The following WNT10A variants were observed in gnomAD, a reference collection of about 807,000 sequenced individuals.
WNT10A encodes the protein protein Wnt-10a.
In WNT10A, 37 loss-of-function variants were observed where a neutral mutation model predicts 36.1. The observed-to-expected ratio is 1.02, with a 90% CI of 0.79 to 1.35. WNT10A has a LOEUF of 1.35. Among genes scored for constraint, WNT10A ranks in the 40% most tolerant of loss-of-function variants. The pLI, the probability that WNT10A is intolerant of heterozygous loss-of-function variation, is 0.00. For missense variants in WNT10A, 613 were observed against 601.4 expected (o/e 1.02, Z -0.20); for synonymous variants, 255 against 254.1 (o/e 1.00, Z -0.03).
At chr2:218,877,704 G>A (rs541887729), upstream of WNT10A, among the ~76,000 whole-genome samples, 10 of 152,308 alleles carry the variant, frequency 6.6e-5, no homozygotes, top group East Asian at 1.9e-3. The surrounding 1 kb of genome is among the most constrained non-coding windows in gnomAD (Gnocchi z 4.1). Flanking sequence ...CTGAGGCCAC[G>A]GGCTCGGGGA....
intron 3 of WNT10A, among the ~76,000 whole-genome samples, chr2:218,892,275 C>T (rs1274322286): frequency 6.6e-6 from 1 of 150,620 alleles, no homozygotes; most frequent in Non-Finnish European, 1.5e-5. Context: ...CTTTCTGAAA[C>T]TCACCGAACA....
At position 218,890,337 on chromosome 2, in the gene WNT10A, C is replaced by T. The variant is rs779460628; in HGVS notation, c.730C>T (p.Leu244Phe). 1 of 1,600,646 alleles carries T rather than the reference C, an allele frequency of 6.2e-7. No homozygotes were observed. The highest frequency in any genetic ancestry group is 2.2e-5 in the East Asian group (1 of 44,872). ...PHRDIHARMR[L>F]HNNRVGRQAV... ...CAGAGACATCCACGCGAGAATGAGGCTTCACAACAACCGAGTTGGGAGGCA... is the reference window on the plus strand; with the variant it reads ...CAGAGACATCCACGCGAGAATGAGGTTTCACAACAACCGAGTTGGGAGGCA... The change falls in exon 3 of 4, where the codon CTT (leucine) becomes TTT (phenylalanine). Residue 244 changes from leucine (L) to phenylalanine (F), a missense_variant. Physicochemically the swap from Leu to Phe is conservative, Grantham distance 22. Transcript: ENST00000258411.
intron 1 of WNT10A, 150 bp from the exon 2 acceptor site, chr2:218,882,011 A>G (rs1361525074): frequency 2.0e-5 from 20 of 985,076 alleles, no homozygotes; most frequent in Non-Finnish European, 2.5e-5. Context: ...GGAGAGAGGA[A>G]TGTGTAGGAG....
upstream of WNT10A, chr2:218,880,247 T>G (rs2106010072): frequency 6.6e-6 from 1 of 152,506 alleles, no homozygotes; most frequent in Middle Eastern, 3.4e-3. The surrounding 1 kb of genome is among the most constrained non-coding windows in gnomAD (Gnocchi z 7.7). Context: ...GCTGCGTCTC[T>G]GCCAGGCACA....
intron 3 of WNT10A, among the ~76,000 whole-genome samples, chr2:218,891,612 G>GCCTCCT (rs954552180): frequency 1.1e-4 from 17 of 151,934 alleles, no homozygotes; most frequent in Non-Finnish European, 2.2e-4. Flanking sequence ...TACCAACGGT[G>GCCTCCT]CCTCCTCCTC....
the WNT10A span, among the ~76,000 whole-genome samples, chr2:218,875,718 T>C: frequency 6.6e-6 from 1 of 152,184 alleles, no homozygotes; most frequent in Non-Finnish European, 1.5e-5. Context: ...CTCACAGGAT[T>C]GTTGGGAGAA....
chr2:218,890,312 C>G lies in WNT10A; in HGVS notation c.705C>G (p.His235Gln). The G allele has an allele frequency of 6.2e-7, 1 of 1,603,462 alleles. No individual in the cohort carries two copies. The change falls in exon 3 of 4, where the codon CAC (histidine) becomes CAG (glutamine). Residue 235 changes from histidine to glutamine, a missense_variant. Transcript: ENST00000258411. Reference protein sequence around the residue: ...SKDFLDSREPHRDIHARMRLH... With the variant: ...SKDFLDSREPQRDIHARMRLH... ...ACTTTCTGGACTCCCGGGAGCCTCA[C>G]AGAGACATCCACGCGAGAATGAGGC... is the stretch of plus-strand genomic sequence containing the variant.
the WNT10A span, among the ~76,000 whole-genome samples, chr2:218,875,816 AATGGGGACAGAC>A: frequency 6.6e-6 from 1 of 152,244 alleles, no homozygotes; most frequent in African/African-American, 2.4e-5. Context: ...TTACTGTGAG[AATGGGGACAGAC>A]ATATGATGCT....
the WNT10A span, among the ~76,000 whole-genome samples, chr2:218,874,938 G>T: frequency 1.8e-4 from 28 of 152,036 alleles, no homozygotes; most frequent in Non-Finnish European, 3.2e-4. Flanking sequence ...ACTCAGCTTG[G>T]TAGGTCTGCT....
chr2:218,888,008 G>C (rs995443127), intron 2 of WNT10A, among the ~76,000 whole-genome samples: 3 of 152,198 alleles, frequency 2.0e-5, no homozygotes, highest in Non-Finnish European at 4.4e-5. Context: ...CTGGTTTCAG[G>C]AATTAGTTCT....
Position 218,893,220 on chromosome 2 carries a change from C to G in WNT10A, c.1203C>G (p.Phe401Leu). The G allele has an allele frequency of 6.4e-7, 1 of 1,570,398 alleles. No individual in the cohort carries two copies. The highest frequency in any genetic ancestry group is 8.6e-7 in the Non-Finnish European group (1 of 1,164,470). Reference sequence around the variant, plus strand: ...ACTGCCGCTTCCACTGGTGCTGTTTCGTGGTCTGCGAAGAGTGCCGCATCA... The same window carrying G: ...ACTGCCGCTTCCACTGGTGCTGTTTGGTGGTCTGCGAAGAGTGCCGCATCA... ...RCHCRFHWCC[F>L]VVCEECRITE... Residue 401 changes from phenylalanine to leucine, a missense_variant, in exon 4 of 4, where the codon TTC (phenylalanine) becomes TTG (leucine). By Grantham distance (22) the Phe-to-Leu change is conservative (BLOSUM62 0). Transcript: ENST00000258411. This position sits in a 1 kb window ranked among gnomAD's most constrained non-coding sequence, Gnocchi z 6.3.
chr2:218,885,831 C>T (rs746705879), intron 2 of WNT10A, among the ~76,000 whole-genome samples: 85 of 140,816 alleles, frequency 6.0e-4, no homozygotes, highest in Non-Finnish European at 8.4e-4. Context: ...CCCAGGATCA[C>T]CTAAGGTTCA....
At chr2:218,892,321 A>G (rs1944662094) in intron 3 of WNT10A, among the ~76,000 whole-genome samples, 1 of 143,778 alleles carries the variant, frequency 7.0e-6, no homozygotes, top group African/African-American at 2.7e-5. Flanking sequence ...ACACACACAC[A>G]CACACACACA....
chr2:218,884,351 G>C (rs1214967417), intron 2 of WNT10A: 1 of 146,140 alleles, frequency 6.8e-6, no homozygotes, highest in Non-Finnish European at 1.5e-5. Context: ...GTGGAGGGGG[G>C]AGGTTAGGGC....
At chr2:218,874,280 G>T in the WNT10A span, 1 of 167,280 alleles carries the variant, frequency 6.0e-6, no homozygotes, top group Non-Finnish European at 1.3e-5. Flanking sequence ...AGGCTGCCAG[G>T]CTCCAGAAGA....
At chr2:218,877,801 G>A (rs528307721), upstream of WNT10A, among the ~76,000 whole-genome samples, 23 of 152,322 alleles carry the variant, frequency 1.5e-4, no homozygotes, top group Non-Finnish European at 1.5e-5. This position sits in a 1 kb window ranked among gnomAD's most constrained non-coding sequence, Gnocchi z 4.1. Context: ...CTTGCTGAGG[G>A]TTGGTGGCCT....
upstream of WNT10A, chr2:218,880,663 G>A (rs1453811427): frequency 7.5e-6 from 2 of 265,996 alleles, no homozygotes; most frequent in African/African-American, 2.3e-5. This position sits in a 1 kb window ranked among gnomAD's most constrained non-coding sequence, Gnocchi z 7.7. Context: ...CCAGCCTCCC[G>A]TCCCCAGCCC....
intron 2 of WNT10A, among the ~76,000 whole-genome samples, chr2:218,888,194 C>T (rs188468582): frequency 6.6e-6 from 1 of 152,374 alleles, no homozygotes; most frequent in East Asian, 1.9e-4. Context: ...TGCCTGCCCC[C>T]TCTCTGGTGT....
At chr2:218,890,578 T>A (rs1944639562) in intron 3 of WNT10A, among the ~76,000 whole-genome samples, 1 of 152,212 alleles carries the variant, frequency 6.6e-6, no homozygotes, top group Non-Finnish European at 1.5e-5. Context: ...AAACAAGCCC[T>A]GTTGCCCTGG....
Sources: allele counts gnomAD v4.1 joint callset (sites outside exome capture counted in the v4.1 genomes callset), GRCh38; gene constraint gnomAD v4.1.1; non-coding constraint Gnocchi (gnomAD v3.1); transcripts MANE v1.5; gene names NCBI Gene and HGNC (gene_info 2026-07-23, HGNC 2026-07-21).